The following CDK11A variants were observed in gnomAD, a reference collection of about 807,000 sequenced individuals.
CDK11A encodes the protein cyclin-dependent kinase 11A.
In CDK11A, 55 loss-of-function variants were observed where a neutral mutation model predicts 83.6. The observed-to-expected ratio is 0.66, with a 90% CI of 0.53 to 0.82. The LOEUF is 0.82. Among genes scored for constraint, CDK11A ranks in the 40% least tolerant of loss-of-function variants. The pLI, the probability that CDK11A is intolerant of heterozygous loss-of-function variation, is 0.00. For synonymous variants in CDK11A, 247 were observed against 302.7 expected (o/e 0.82, Z 1.91); for missense variants, 564 against 810.1 (o/e 0.70, Z 3.69).
rs755286013 is a variant in CDK11A, at chr1:1,703,560, A to C, written c.1976T>G (p.Met659Arg). ...GTTGTAGGGGTGCTCGCTGAAGGTC[A>C]TCTTTTTGACTACTGGGAGCTCACT... ...GYSELPVVKK[M>R]TFSEHPYNNL... Residue 659 changes from methionine (M) to arginine (R), a missense_variant, in exon 18 of 20, where the codon ATG becomes AGG. Physicochemically the swap from Met to Arg is moderately conservative, Grantham distance 91 (BLOSUM62 -1). Around this residue, in one of 5 missense-constraint regions of CDK11A, gnomAD observed 361 missense variants for 402.7 expected, o/e 0.90. Coordinates refer to ENST00000404249, the MANE Select transcript of CDK11A (RefSeq NM_024011.4). The C allele has an allele frequency of 4.1e-5, 65 of 1,569,870 alleles. 5 individuals are homozygous for C. In the South Asian group the frequency reaches 7.1e-4, roughly 17 times the overall value.
In CDK11A at chr1:1,703,815, C is replaced by CTTGA; in HGVS notation, c.1911+8_1911+9insTCAA. The CTTGA allele has an allele frequency of 1.2e-6, 2 of 1,609,550 alleles. No homozygotes were observed. Among genetic ancestry groups the CTTGA allele is most frequent in the Non-Finnish European group, 1.7e-6 (2 of 1,176,876 alleles). On this transcript the variant is annotated intron_variant, in intron 17 of 19. Transcript: ENST00000404249. Reference sequence around the variant, plus strand: ...ATCCATAGCGCACCTGCGGCAGGGCCAGACCCACCTTGAACACTTTGTTGA... The same window carrying CTTGA: ...ATCCATAGCGCACCTGCGGCAGGGCCTTGAAGACCCACCTTGAACACTTTGTTGA...
At chr1:1,704,191 C>T (rs756426386) in intron 15 of CDK11A, 32 bp downstream of exon 15, 3 of 1,608,186 alleles carry the variant, frequency 1.9e-6, no homozygotes, top group Non-Finnish European at 2.5e-6. Context: ...GGGCGGGTCA[C>T]CCTGGGATGG....
chr1:1,715,936 C>T (rs1477755600), intron 5 of CDK11A, among the ~76,000 whole-genome samples: 1 of 150,840 alleles, frequency 6.6e-6, no homozygotes, highest in East Asian at 1.9e-4. Flanking sequence ...GATCTCCCTT[C>T]TCCTTTTTTT....
chr1:1,718,025 A>T (rs1351901999), intron 4 of CDK11A, among the ~76,000 whole-genome samples: 2 of 110,234 alleles, frequency 1.8e-5, no homozygotes, highest in Non-Finnish European at 4.0e-5. Flanking sequence ...TCTGTGACAC[A>T]CGCATGCTTT....
At position 1,716,451 on chromosome 1, in the gene CDK11A, T is replaced by A; in HGVS notation, c.383A>T (p.Glu128Val). The A allele has an allele frequency of 6.2e-7, 1 of 1,608,688 alleles. No individual in the cohort carries two copies. Among genetic ancestry groups the A allele is most frequent in the Non-Finnish European group, 8.5e-7 (1 of 1,176,326 alleles). Reference protein sequence around the residue: ...GGKHARVKEREHERRKRHREE... With the variant: ...GGKHARVKERVHERRKRHREE... ...TCGATGTCGTTTCCGACGTTCGTGCTCTCTTTCTTTCACTCTAGCATGCTT... is the reference window on the plus strand; with the variant it reads ...TCGATGTCGTTTCCGACGTTCGTGCACTCTTTCTTTCACTCTAGCATGCTT... Residue 128 changes from glutamate to valine, a missense_variant, in exon 5 of 20, where the codon GAG becomes GTG. Transcript: ENST00000404249.
Position 1,723,285 on chromosome 1 carries a change from C to A in CDK11A, c.-13-454G>T, listed in dbSNP as rs1427592967. 3.1e-5 allele frequency among the ~76,000 whole-genome samples: 2 copies of A among 65,052 alleles called. 1 individual carries two copies. The highest frequency in any genetic ancestry group is 7.4e-5 in the Non-Finnish European group (2 of 27,178). The allele number at this position is 65,052 out of a possible 152,430, so 42.7% of individuals were successfully genotyped here. A position where few individuals can be genotyped will look rare whatever the true frequency, so the allele number is the denominator to read the frequency against. ...GCTCTAGGCTGAGGCGGGTGGATCACAAGGTCGGGAGGTCAAGACCAGCCT... is the reference window on the plus strand; with the variant it reads ...GCTCTAGGCTGAGGCGGGTGGATCAAAAGGTCGGGAGGTCAAGACCAGCCT... On this transcript the variant is annotated intron_variant, in intron 1 of 19. Coordinates refer to ENST00000404249, the MANE Select transcript of CDK11A (RefSeq NM_024011.4).
intron 3 of CDK11A, among the ~76,000 whole-genome samples, chr1:1,720,398 G>A (rs1163412493): frequency 7.0e-6 from 1 of 143,256 alleles, no homozygotes; most frequent in Non-Finnish European, 1.5e-5. Flanking sequence ...CGCCCGGCCT[G>A]TATTTATTTT....
chr1:1,719,394 CT>C lies in CDK11A; in HGVS notation c.288del (p.Val97PhefsTer28). 2.0e-6 allele frequency: 3 copies of C among 1,538,172 alleles called. No individual in the cohort carries two copies. Among genetic ancestry groups the C allele is most frequent in the South Asian group, 2.5e-5 (2 of 79,842 alleles). On this transcript the variant is annotated frameshift_variant, in exon 4 of 20. Coordinates refer to ENST00000404249, the MANE Select transcript of CDK11A (RefSeq NM_024011.4). LOFTEE classifies it high-confidence loss of function. Reference sequence around the variant, plus strand: ...CTCTTTTCATCTTTTCTGTGATGAACTTTTTCTTTCCGAGACATTTGCTGGG... The same window carrying C: ...CTCTTTTCATCTTTTCTGTGATGAACTTTTCTTTCCGAGACATTTGCTGGG... ...KPPQQMSRKEKVHHRKDEKRK... is the reference protein window; with the variant it reads ...KPPQQMSRKEXVHHRKDEKRK...
In CDK11A at chr1:1,704,287, T is replaced by C. The variant is rs1321409606; in HGVS notation, c.1622A>G (p.Asn541Ser). ...CTTGAGGTCACGGTGCAGGATCCAG[T>C]TGTCGTGCAGGTGTTTCACCCCCCG... ...LLRGVKHLHD[N>S]WILHRDLKTS... Residue 541 changes from asparagine (N) to serine (S), a missense_variant, in exon 15 of 20, where the codon AAC (asparagine) becomes AGC (serine). This residue lies in a region of CDK11A where 361 missense variants were observed against 402.7 expected (regional missense o/e 0.90). Coordinates refer to ENST00000404249, the MANE Select transcript of CDK11A (RefSeq NM_024011.4). 1.9e-6 allele frequency: 3 copies of C among 1,607,632 alleles called. No homozygotes were observed. Among genetic ancestry groups the C allele is most frequent in the South Asian group, 2.2e-5 (2 of 90,702 alleles).
At chr1:1,705,766 GC>G in intron 11 of CDK11A, 34 bp from the exon 12 acceptor site, 1 of 513,636 alleles carries the variant, frequency 1.9e-6, no homozygotes, top group Non-Finnish European at 3.4e-6. Context: ...GGTCTCAGTG[GC>G]CATGCCAGCT....
chr1:1,715,897 C>T lies in CDK11A; in HGVS notation c.488+449G>A, dbSNP rs1321022961. Among the ~76,000 whole-genome samples the T allele has an allele frequency of 2.0e-5, 3 of 150,894 alleles. 1 individual carries two copies. Among genetic ancestry groups the T allele is most frequent in the African/African-American group, 7.3e-5 (3 of 41,034 alleles). Reference sequence around the variant, plus strand: ...CAGGAGTCCTAGGAGTCCAGTGTCCCGATTTCCAGACTGTTTCAAGGTTTT... The same window carrying T: ...CAGGAGTCCTAGGAGTCCAGTGTCCTGATTTCCAGACTGTTTCAAGGTTTT... On this transcript the variant is annotated intron_variant, in intron 5 of 19. Transcript: ENST00000404249.
intron 3 of CDK11A, among the ~76,000 whole-genome samples, chr1:1,721,168 G>A (rs1264584735): frequency 1.4e-5 from 2 of 145,584 alleles, no homozygotes; most frequent in Admixed American, 1.4e-4. Flanking sequence ...ACTCCAGCCT[G>A]GGTGAGCAAG....
chr1:1,719,353 C>T lies in CDK11A; in HGVS notation c.330G>A (p.Arg110=), dbSNP rs750911014. 15 of 1,531,330 alleles carry T rather than the reference C, an allele frequency of 9.8e-6. No individual in the cohort carries two copies. The highest frequency in any genetic ancestry group is 5.0e-5 in the East Asian group (2 of 40,370). 94.9% of individuals were successfully genotyped at this position (1,531,330 alleles called of 1,614,324 possible). A position where few individuals can be genotyped will look rare whatever the true frequency, so the allele number is the denominator to read the frequency against. ...CCCCTTCTGCTGAATGGCTATGATG[C>T]CTACATTTTTCTTTTCTCTTTTCAT... is the stretch of plus-strand genomic sequence containing the variant. ...RKDEKRKEKC[R]HHSHSAEGGK... The change falls in exon 4 of 20, where the codon AGG becomes AGA. Residue 110 remains arginine (R), a synonymous_variant. Transcript: ENST00000404249.
intron 12 of CDK11A, 133 bp from the exon 13 acceptor site, chr1:1,705,158 G>T: frequency 7.6e-7 from 1 of 1,318,134 alleles, no homozygotes; most frequent in South Asian, 1.5e-5. Flanking sequence ...GTTCTAGGTG[G>T]GGGCACGTGG....
chr1:1,704,964 C>A lies in CDK11A; in HGVS notation c.1398G>T (p.Thr466=), dbSNP rs368878285. The A allele has an allele frequency of 1.3e-6, 2 of 1,598,234 alleles. No individual in the cohort carries two copies. The highest frequency in any genetic ancestry group is 1.7e-5 in the Admixed American group (1 of 59,368). Residue 466 remains threonine, a synonymous_variant, in exon 13 of 20, where the codon ACG becomes ACT. Coordinates refer to ENST00000404249, the MANE Select transcript of CDK11A (RefSeq NM_024011.4). The part of the protein sequence containing the change: ...MEKEKEGFPI[T]SLREINTILK... ...GGATGGTGTTGATCTCCCTCAGGGA[C>A]GTGATCGGGAAGCCCTCCTTCTCCT...
chr1:1,704,959 A>C lies in CDK11A; in HGVS notation c.1403T>G (p.Leu468Arg). The change falls in exon 13 of 20, where the codon CTG becomes CGG. Residue 468 changes from leucine (L) to arginine (R), a missense_variant. Around this residue, in one of 5 missense-constraint regions of CDK11A, gnomAD observed 361 missense variants for 402.7 expected, o/e 0.90. Transcript: ENST00000404249. ...KEKEGFPITS[L>R]REINTILKAQ... ...CTTGAGGATGGTGTTGATCTCCCTCAGGGACGTGATCGGGAAGCCCTCCTT... is the reference window on the plus strand; with the variant it reads ...CTTGAGGATGGTGTTGATCTCCCTCCGGGACGTGATCGGGAAGCCCTCCTT... The C allele has an allele frequency of 1.9e-6, 3 of 1,598,374 alleles. No individual in the cohort carries two copies. The highest frequency in any genetic ancestry group is 2.6e-6 in the Non-Finnish European group (3 of 1,173,226).
intron 14 of CDK11A, 85 bp from the exon 15 acceptor site, chr1:1,704,429 G>A (rs1470574926): frequency 1.3e-6 from 2 of 1,565,212 alleles, no homozygotes; most frequent in Admixed American, 1.9e-5. Flanking sequence ...GGCAGCAACA[G>A]AGGCTTCTCA....
Position 1,717,204 on chromosome 1 carries a change from A to G in CDK11A, c.356-726T>C, listed in dbSNP as rs1644697525. ...AATATTCATCTTTTAAAAATTTTCTATACTGAATAAACTATAATTATCAGT... is the reference window on the plus strand; with the variant it reads ...AATATTCATCTTTTAAAAATTTTCTGTACTGAATAAACTATAATTATCAGT... On this transcript the variant is annotated intron_variant, in intron 4 of 19. Coordinates refer to ENST00000404249, the MANE Select transcript of CDK11A (RefSeq NM_024011.4). Among the ~76,000 whole-genome samples the G allele has an allele frequency of 1.3e-5, 2 of 151,328 alleles. 1 individual carries two copies. Among genetic ancestry groups the G allele is most frequent in the South Asian group, 4.2e-4 (2 of 4,782 alleles).
chr1:1,721,538 G>A (rs1570440894), intron 3 of CDK11A, 58 bp downstream of exon 3: 30 of 1,563,088 alleles, frequency 1.9e-5, no homozygotes, highest in Non-Finnish European at 2.5e-5. Flanking sequence ...CCCTAGGAAG[G>A]ACTGGCCAGG....
Sources: gnomAD v4.1 joint callset for allele counts (sites outside exome capture counted in the v4.1 genomes callset) on GRCh38, gnomAD v4.1.1 for gene constraint, gnomAD v4.1.1 regional missense constraint, MANE v1.5 for transcripts, NCBI Gene and HGNC (gene_info 2026-07-23, HGNC 2026-07-21) for gene names.